NEK10: variants seen among roughly 807,000 people sequenced by gnomAD.
The protein encoded by NEK10 is NIMA related kinase 10, also known as serine/threonine-protein kinase Nek10.
Under a neutral mutation model 159.8 loss-of-function variants are expected in NEK10, and 122 were observed. The observed-to-expected ratio is 0.76, with a 90% CI of 0.66 to 0.89. The LOEUF (loss-of-function observed/expected upper bound fraction) is 0.89. NEK10 is among the 40% of genes least tolerant of loss of function. NEK10 has a pLI of 0.00. For missense variants in NEK10, 1,342 were observed against 1,323.1 expected (o/e 1.01, Z -0.22); for synonymous variants, 466 against 457.1 (o/e 1.02, Z -0.25).
At chr3:27,205,019 G>C (rs1244627092) in intron 23 of NEK10, among the ~76,000 whole-genome samples, 12 of 150,412 alleles carry the variant, frequency 8.0e-5, no homozygotes, top group Admixed American at 7.3e-4. Flanking sequence ...GTGTGAGATG[G>C]TATCTCATAG....
At chr3:27,246,996 T>A (rs1168073200) in intron 23 of NEK10, among the ~76,000 whole-genome samples, 1 of 152,216 alleles carries the variant, frequency 6.6e-6, no homozygotes, top group Non-Finnish European at 1.5e-5. Flanking sequence ...TCTAATAGTT[T>A]TTTGGTGGAG....
intron 32 of NEK10, among the ~76,000 whole-genome samples, chr3:27,128,835 T>C (rs543843075): frequency 6.6e-6 from 1 of 152,272 alleles, no homozygotes; most frequent in South Asian, 2.1e-4. Context: ...TGTCCAAATA[T>C]TCCAGTCTAA....
chr3:27,223,683 T>A (rs933923366), intron 23 of NEK10, among the ~76,000 whole-genome samples: 1 of 152,128 alleles, frequency 6.6e-6, no homozygotes, highest in Non-Finnish European at 1.5e-5. Context: ...CTCTTAAGCA[T>A]TGTGGCTCCT....
chr3:27,326,266 G>A (rs896499433), intron 5 of NEK10, among the ~76,000 whole-genome samples: 4 of 152,200 alleles, frequency 2.6e-5, no homozygotes. Flanking sequence ...GTTAGCTAAA[G>A]GCAGCATGTA....
At chr3:27,180,492 T>C (rs1330515413) in intron 26 of NEK10, among the ~76,000 whole-genome samples, 6 of 151,870 alleles carry the variant, frequency 4.0e-5, no homozygotes, top group African/African-American at 2.4e-5. Context: ...AACAATCAAG[T>C]GGGCAAGTTT....
chr3:27,288,464 C>A (rs974618921), intron 19 of NEK10, among the ~76,000 whole-genome samples: 2 of 152,106 alleles, frequency 1.3e-5, no homozygotes, highest in Admixed American at 1.3e-4. Context: ...GATATCTAAC[C>A]AAGTTCCTCT....
chr3:27,168,911 C>T (rs1268359690), intron 29 of NEK10, among the ~76,000 whole-genome samples: 2 of 152,140 alleles, frequency 1.3e-5, no homozygotes, highest in East Asian at 3.9e-4. Flanking sequence ...TTAAACCTTG[C>T]CTTTCTGCTG....
rs73821936 is a variant in NEK10 at position 27,279,808 on chromosome 3, C to T, written c.2014+4794G>A. Among the ~76,000 whole-genome samples, 819 of 152,264 alleles carry T rather than the reference C, an allele frequency of 5.4e-3. 10 individuals carry two copies. Among genetic ancestry groups the T allele is most frequent in the African/African-American group, 0.019 (781 of 41,544 alleles). On this transcript the variant is annotated intron_variant, in intron 22 of 35. Transcript: ENST00000691995. Reference sequence around the variant, plus strand: ...GGCTGCTAGCCTCACCAGTATGCCACCAACCTGTGCTGCTTCTTTATTTGA... The same window carrying T: ...GGCTGCTAGCCTCACCAGTATGCCATCAACCTGTGCTGCTTCTTTATTTGA...
intron 22 of NEK10, among the ~76,000 whole-genome samples, chr3:27,261,718 T>G (rs2040428314): frequency 6.6e-6 from 1 of 152,038 alleles, no homozygotes; most frequent in Admixed American, 6.6e-5. Context: ...GGGTGGAGAG[T>G]TCTGTAGATG....
intron 23 of NEK10, among the ~76,000 whole-genome samples, chr3:27,220,407 G>A (rs1168051389): frequency 6.6e-6 from 1 of 152,158 alleles, no homozygotes; most frequent in African/African-American, 2.4e-5. Context: ...CTCACAGCAT[G>A]TCACTCTGGC....
intron 5 of NEK10, among the ~76,000 whole-genome samples, chr3:27,343,852 G>A (rs995824221): frequency 6.6e-6 from 1 of 152,202 alleles, no homozygotes; most frequent in Non-Finnish European, 1.5e-5. Flanking sequence ...TGAGGCTGTG[G>A]CTGGATGTTA....
chr3:27,268,722 C>G (rs1034024918), intron 22 of NEK10, among the ~76,000 whole-genome samples: 1 of 152,208 alleles, frequency 6.6e-6, no homozygotes, highest in African/African-American at 2.4e-5. Context: ...ATTTTCATGT[C>G]TGCTAACACA....
At chr3:27,131,560 T>C (rs1209941743) in intron 32 of NEK10, among the ~76,000 whole-genome samples, 1 of 152,202 alleles carries the variant, frequency 6.6e-6, no homozygotes, top group African/African-American at 2.4e-5. Context: ...TTGGAGCTTA[T>C]TGAAGATTAT....
chr3:27,255,522 C>T (rs1180817542), intron 23 of NEK10, among the ~76,000 whole-genome samples: 1 of 151,568 alleles, frequency 6.6e-6, no homozygotes. Context: ...ATAAAAGTGT[C>T]TTGATTGCTT....
chr3:27,342,577 T>A (rs2149775779), intron 5 of NEK10, among the ~76,000 whole-genome samples: 1 of 152,332 alleles, frequency 6.6e-6, no homozygotes, highest in African/African-American at 2.4e-5. Flanking sequence ...CTGCTCATGT[T>A]ACAAGCCAGT....
At chr3:27,326,130 A>G (rs1443316774) in intron 5 of NEK10, among the ~76,000 whole-genome samples, 3 of 152,348 alleles carry the variant, frequency 2.0e-5, no homozygotes, top group East Asian at 3.9e-4. Context: ...TTTGAACTCA[A>G]AATGATCATC....
intron 12 of NEK10, among the ~76,000 whole-genome samples, chr3:27,302,784 T>C (rs1442151070): frequency 1.3e-5 from 2 of 152,192 alleles, no homozygotes; most frequent in Non-Finnish European, 2.9e-5. Flanking sequence ...GTGTCCTCCC[T>C]GCAATGAGCA....
At chr3:27,238,453 A>C (rs907182000) in intron 23 of NEK10, among the ~76,000 whole-genome samples, 1 of 152,214 alleles carries the variant, frequency 6.6e-6, no homozygotes, top group East Asian at 1.9e-4. Context: ...TTCTAATAAG[A>C]AAACAATATA....
chr3:27,354,743 AG>A (rs2048211520), intron 1 of NEK10, among the ~76,000 whole-genome samples: 1 of 152,202 alleles, frequency 6.6e-6, no homozygotes, highest in Non-Finnish European at 1.5e-5. Context: ...AGGTCAGGCA[AG>A]GGTGCTAACA....
Sources: allele counts gnomAD v4.1 joint callset (sites outside exome capture counted in the v4.1 genomes callset), GRCh38; gene constraint gnomAD v4.1.1; transcripts MANE v1.5; gene names NCBI Gene and HGNC (gene_info 2026-07-23, HGNC 2026-07-21).